Variants in CRTC3 observed in about 807,000 individuals in gnomAD.
CRTC3 encodes the protein CREB regulated transcription coactivator 3, also known as CREB-regulated transcription coactivator 3.
Under a neutral mutation model 74.5 loss-of-function variants are expected in CRTC3, and 26 were observed. The observed-to-expected ratio is 0.35, with a 90% CI of 0.26 to 0.48. CRTC3 has a LOEUF of 0.48. Among genes scored for constraint, CRTC3 ranks in the 20% least tolerant of loss-of-function variants. The pLI is 0.99. For synonymous variants in CRTC3, 377 were observed against 325.8 expected, an observed-to-expected ratio of 1.16 and a Z score of -1.69; for missense variants, 760 against 787.3, an observed-to-expected ratio of 0.97 and a Z score of 0.41.
intron 2 of CRTC3, among the ~76,000 whole-genome samples, chr15:90,552,291 A>G (rs758716044): frequency 6.6e-6 from 1 of 152,210 alleles, no homozygotes; most frequent in Non-Finnish European, 1.5e-5. Flanking sequence ...TCGGTGAAGA[A>G]GGCTGCTCTG....
chr15:90,629,632 A>G (rs1417525898), intron 11 of CRTC3, 100 bp downstream of exon 11: 4 of 1,210,208 alleles, frequency 3.3e-6, no homozygotes, highest in Non-Finnish European at 4.7e-6. Context: ...ACTCATTATT[A>G]CACCAAGCAC....
chr15:90,615,437 G>T (rs80101972), intron 7 of CRTC3, among the ~76,000 whole-genome samples: 6 of 152,274 alleles, frequency 3.9e-5, no homozygotes, highest in South Asian at 2.1e-4. Flanking sequence ...GAGACCCTAG[G>T]GGGGACATGA....
At chr15:90,637,298 G>T (rs546534473) in intron 11 of CRTC3, among the ~76,000 whole-genome samples, 4 of 152,170 alleles carry the variant, frequency 2.6e-5, no homozygotes, top group South Asian at 2.1e-4. Context: ...GCAAACTGTC[G>T]CAAGGACAAA....
chr15:90,627,541 T>A (rs533878021), intron 10 of CRTC3, among the ~76,000 whole-genome samples: 1 of 152,188 alleles, frequency 6.6e-6, no homozygotes, highest in South Asian at 2.1e-4. Flanking sequence ...GAAGATCTTA[T>A]GTTTAGTCAC....
intron 14 of CRTC3, 22 bp downstream of exon 14, chr15:90,641,221 T>C (rs1417080188): frequency 6.9e-7 from 1 of 1,444,564 alleles, no homozygotes; most frequent in East Asian, 2.3e-5. Flanking sequence ...ATCCCTCAGC[T>C]TCTTTACTGC....
At chr15:90,537,934 A>C (rs1263115541) in intron 1 of CRTC3, among the ~76,000 whole-genome samples, 1 of 152,116 alleles carries the variant, frequency 6.6e-6, no homozygotes, top group Non-Finnish European at 1.5e-5. Context: ...GTGCTTTGGG[A>C]GGGAGAGCAG....
chr15:90,580,726 C>T (rs1353552048), intron 2 of CRTC3, among the ~76,000 whole-genome samples: 1 of 152,080 alleles, frequency 6.6e-6, no homozygotes, highest in Admixed American at 6.6e-5. Flanking sequence ...CTGCACCCGG[C>T]CCACTGGTTT....
At chr15:90,622,560 C>G (rs115102977) in intron 9 of CRTC3, among the ~76,000 whole-genome samples, 3,360 of 152,224 alleles carry the variant, frequency 0.022, 125 homozygotes, top group African/African-American at 0.075. Context: ...CCATCTAAGA[C>G]AAAATTCAGG....
chr15:90,634,744 G>A lies in CRTC3; in HGVS notation c.1267-3702G>A, dbSNP rs1969170949. 4.4e-6 allele frequency: 4 copies of A among 902,200 alleles called. No homozygotes were observed. The East Asian group carries it at 7.3e-5, about 16-fold the overall frequency. 55.9% of individuals were successfully genotyped at this position (902,200 alleles called of 1,614,324 possible). A position where few individuals can be genotyped will look rare whatever the true frequency, so the allele number is the denominator to read the frequency against. On this transcript the variant is annotated intron_variant, in intron 11 of 14. Transcript: ENST00000268184. ...GGAGTCATGGCAGGACAAGCGTGTA[G>A]AAAGTTTTTTCCACTCTCTGACTGA...
At chr15:90,551,092 A>G (rs777237822) in intron 2 of CRTC3, among the ~76,000 whole-genome samples, 45 of 152,298 alleles carry the variant, frequency 3.0e-4, no homozygotes, top group African/African-American at 9.4e-4. Flanking sequence ...TTGGGGTTAC[A>G]TAATTAGACT....
chr15:90,634,660 A>G, intron 11 of CRTC3: 1 of 568,666 alleles, frequency 1.8e-6, no homozygotes, highest in Non-Finnish European at 3.2e-6. Flanking sequence ...AGAACAGGAC[A>G]CTGAGGGGCT....
intron 2 of CRTC3, among the ~76,000 whole-genome samples, chr15:90,544,517 A>G (rs952963620): frequency 1.3e-5 from 2 of 152,206 alleles, no homozygotes; most frequent in African/African-American, 4.8e-5. Flanking sequence ...ATTCCATTCT[A>G]TGGATGTAGA....
At chr15:90,551,948 A>G (rs147400323) in intron 2 of CRTC3, among the ~76,000 whole-genome samples, 3 of 9,552 alleles carry the variant, frequency 3.1e-4, no homozygotes, top group Non-Finnish European at 9.0e-4. Flanking sequence ...ACACACGCAC[A>G]CACACACACA....
At chr15:90,607,514 C>A in intron 6 of CRTC3, 36 bp downstream of exon 6, 1 of 1,285,800 alleles carries the variant, frequency 7.8e-7, no homozygotes, top group East Asian at 2.3e-5. Flanking sequence ...AGCAGCTGTG[C>A]TTGCTCATTC....
At chr15:90,533,272 C>T (rs1389385545) in intron 1 of CRTC3, among the ~76,000 whole-genome samples, 1 of 150,786 alleles carries the variant, frequency 6.6e-6, no homozygotes, top group African/African-American at 2.5e-5. Context: ...GGCATGGTGG[C>T]GGGCGCCTGT....
rs2286288 is a variant in CRTC3 at position 90,641,972 on chromosome 15, G to A, written c.1692G>A (p.Ala564=). ...STSLFKDLNS[A]LAGLPEVSLN... ...GCCTGTTCAAAGACCTCAACAGTGC[G>A]CTGGCAGGCCTGCCTGAGGTCAGCC... Residue 564 remains alanine (A), a synonymous_variant, in exon 15 of 15, where the codon GCG becomes GCA. Coordinates refer to ENST00000268184, the MANE Select transcript of CRTC3 (RefSeq NM_022769.5). 4.4e-3 allele frequency: 7,058 copies of A among 1,613,738 alleles called. 134 individuals carry two copies. The East Asian group carries it at 0.062, about 14-fold the overall frequency.
intron 3 of CRTC3, chr15:90,595,343 T>A (rs1596109411): frequency 6.6e-6 from 1 of 152,052 alleles, no homozygotes; most frequent in Non-Finnish European, 1.5e-5. Context: ...GAGGCCGAGG[T>A]GGGCAGATCA....
Position 90,529,986 on chromosome 15 carries a change from C to A in CRTC3, c.-86C>A. 9.4e-7 allele frequency: 1 copy of A among 1,063,440 alleles called. No homozygotes were observed. Among genetic ancestry groups the A allele is most frequent in the Non-Finnish European group, 1.2e-6 (1 of 858,316 alleles). The allele number at this position is 1,063,440 out of a possible 1,614,324, so 65.9% of individuals were successfully genotyped here. On this transcript the variant is annotated 5_prime_UTR_variant, in exon 1 of 15. Coordinates refer to ENST00000268184, the MANE Select transcript of CRTC3 (RefSeq NM_022769.5). Reference sequence around the variant, plus strand: ...CGGACGACTGGCTTCGGGCGGCGGCCCCGGCGGCCTGTGGACGGACGGGTG... The same window carrying A: ...CGGACGACTGGCTTCGGGCGGCGGCACCGGCGGCCTGTGGACGGACGGGTG...
chr15:90,608,467 C>T (rs1312407073), intron 6 of CRTC3, among the ~76,000 whole-genome samples: 2 of 152,142 alleles, frequency 1.3e-5, no homozygotes, highest in Non-Finnish European at 2.9e-5. Flanking sequence ...TCTCTCACTC[C>T]TGGCCAGCAC....
Sources: gnomAD v4.1 joint callset for allele counts (sites outside exome capture counted in the v4.1 genomes callset) on GRCh38, gnomAD v4.1.1 for gene constraint, MANE v1.5 for transcripts, NCBI Gene and HGNC (gene_info 2026-07-23, HGNC 2026-07-21) for gene names.